Variants in SUGCT observed in about 807,000 individuals in gnomAD.
SUGCT encodes the protein succinyl-CoA:glutarate-CoA transferase.
A neutral mutation model predicts 55.0 loss-of-function variants in SUGCT; 41 were observed. The ratio of observed to expected loss-of-function variants is 0.74; its 90% CI spans 0.58 to 0.97. The LOEUF (loss-of-function observed/expected upper bound fraction) is 0.97, where lower values mean the gene tolerates loss of function less well. Ranked by LOEUF, SUGCT falls within the 50% of genes least tolerant of loss-of-function variation. SUGCT has a pLI of 0.00. For missense variants in SUGCT, 568 were observed against 547.8 expected (o/e 1.04, Z -0.37); for synonymous variants, 187 against 200.4 (o/e 0.93, Z 0.56).
chr7:40,931,071 C>T, the SUGCT span, among the ~76,000 whole-genome samples: 1 of 152,070 alleles, frequency 6.6e-6, no homozygotes, highest in Non-Finnish European at 1.5e-5. Flanking sequence ...TCATAAATAG[C>T]TCTTATTGTT....
chr7:40,341,941 A>G (rs73135089), intron 9 of SUGCT, among the ~76,000 whole-genome samples: 20,231 of 152,256 alleles, frequency 0.13, 1,765 homozygotes, highest in Middle Eastern at 0.21. Flanking sequence ...CTGGTTTCAG[A>G]TCCTGACTCA....
chr7:40,674,053 C>T (rs1248807229), intron 12 of SUGCT, among the ~76,000 whole-genome samples: 2 of 152,090 alleles, frequency 1.3e-5, no homozygotes, highest in Non-Finnish European at 2.9e-5. Flanking sequence ...GAGGATTGAT[C>T]CGATTAAAGA....
chr7:40,559,674 A>G (rs1189712996), intron 12 of SUGCT, among the ~76,000 whole-genome samples: 1 of 152,212 alleles, frequency 6.6e-6, no homozygotes, highest in Non-Finnish European at 1.5e-5. Flanking sequence ...ATACTTATAC[A>G]TTACTATCTT....
Position 40,668,793 on chromosome 7 carries a change from G to C in SUGCT, c.1090-80641G>C, listed in dbSNP as rs554501973. ...GACAAGGAAAGGGGCAGCCTCACAA[G>C]ACAAAAATATTTTAGACAATAACTG... On this transcript the variant is annotated intron_variant, in intron 12 of 13. Transcript: ENST00000335693. 2.0e-5 allele frequency among the ~76,000 whole-genome samples: 3 copies of C among 152,210 alleles called. No homozygotes were observed. The East Asian group carries it at 5.8e-4, about 30-fold the overall frequency.
chr7:40,526,408 C>T (rs137946803), intron 12 of SUGCT, among the ~76,000 whole-genome samples: 1 of 152,132 alleles, frequency 6.6e-6, no homozygotes, highest in Non-Finnish European at 1.5e-5. Context: ...TGTTACTGAT[C>T]GTGCTGTGAC....
At chr7:40,320,553 C>T (rs1795672095) in intron 9 of SUGCT, among the ~76,000 whole-genome samples, 1 of 152,188 alleles carries the variant, frequency 6.6e-6, no homozygotes, top group African/African-American at 2.4e-5. Flanking sequence ...AGTGGGGCCA[C>T]TGCCCTTTAC....
At chr7:40,521,552 G>A (rs1344672380) in intron 12 of SUGCT, among the ~76,000 whole-genome samples, 1 of 152,140 alleles carries the variant, frequency 6.6e-6, no homozygotes, top group Non-Finnish European at 1.5e-5. Context: ...ACAGGGAATA[G>A]TGAAAGAAGG....
chr7:40,952,297 C>A, the SUGCT span, among the ~76,000 whole-genome samples: 1 of 151,684 alleles, frequency 6.6e-6, no homozygotes, highest in East Asian at 1.9e-4. Flanking sequence ...TTTATTTTCC[C>A]TTTGCTTGGT....
intron 9 of SUGCT, among the ~76,000 whole-genome samples, chr7:40,365,464 A>T (rs1783897163): frequency 6.6e-6 from 1 of 152,224 alleles, no homozygotes; most frequent in South Asian, 2.1e-4. Flanking sequence ...GAAAAGAGGA[A>T]GTCAAATTGT....
At chr7:40,850,413 C>T (rs1230547720) in intron 13 of SUGCT, among the ~76,000 whole-genome samples, 1 of 152,160 alleles carries the variant, frequency 6.6e-6, no homozygotes, top group Non-Finnish European at 1.5e-5. Context: ...ATAATAGTGT[C>T]TGTAGTAAGT....
At chr7:40,564,657 A>G (rs1457142901) in intron 12 of SUGCT, among the ~76,000 whole-genome samples, 3 of 152,198 alleles carry the variant, frequency 2.0e-5, no homozygotes, top group African/African-American at 7.2e-5. Flanking sequence ...AGAAAATTGT[A>G]TAACCTAGAA....
In SUGCT at chr7:40,346,033, A is replaced by G. The variant is rs1255362148; in HGVS notation, c.816+29178A>G. 4.6e-5 allele frequency among the ~76,000 whole-genome samples: 7 copies of G among 151,598 alleles called. 1 individual carries two copies. The highest frequency in any genetic ancestry group is 4.6e-4 in the Admixed American group (7 of 15,206). On this transcript the variant is annotated intron_variant, in intron 9 of 13. Transcript: ENST00000335693. ...AGAGTTTGGTGCACCAAAGACTTAA[A>G]CTCTGGTTTTCATGTTAGTTTAGTT...
intron 12 of SUGCT, among the ~76,000 whole-genome samples, chr7:40,575,124 G>GGC (rs1796664521): frequency 7.0e-6 from 1 of 143,632 alleles, no homozygotes; most frequent in African/African-American, 2.9e-5. Context: ...GGTGGCGGGG[G>GGC]TGGGGGTGGA....
intron 13 of SUGCT, among the ~76,000 whole-genome samples, chr7:40,809,874 T>C (rs891245770): frequency 3.9e-5 from 6 of 152,266 alleles, no homozygotes; most frequent in Admixed American, 6.5e-5. Flanking sequence ...TGAGAACATA[T>C]GGTATTTGGT....
the SUGCT span, among the ~76,000 whole-genome samples, chr7:41,032,730 CA>C: frequency 1.1e-4 from 16 of 152,120 alleles, no homozygotes. Context: ...GAGTGCTTTT[CA>C]GTGGGGTAAA....
the SUGCT span, chr7:40,965,113 G>A: frequency 6.6e-6 from 1 of 152,220 alleles, no homozygotes. Flanking sequence ...TAGGACTCCT[G>A]TTAAGTTCAG....
At chr7:40,588,696 G>A (rs949678840) in intron 12 of SUGCT, among the ~76,000 whole-genome samples, 1 of 152,062 alleles carries the variant, frequency 6.6e-6, no homozygotes. Flanking sequence ...TAATAATACT[G>A]CAATAATCCT....
At chr7:40,382,506 C>T (rs1784921506) in intron 9 of SUGCT, among the ~76,000 whole-genome samples, 2 of 152,096 alleles carry the variant, frequency 1.3e-5, no homozygotes, top group Non-Finnish European at 2.9e-5. Flanking sequence ...TCTGCAAGGG[C>T]ACAGAAAGGA....
At chr7:40,316,953 C>G in intron 9 of SUGCT, 98 bp downstream of exon 9, 2 of 183,580 alleles carry the variant, frequency 1.1e-5, no homozygotes, top group South Asian at 1.6e-4. Flanking sequence ...AATCCTTCAG[C>G]TGTTTTTTTT....
Sources: allele counts gnomAD v4.1 joint callset (sites outside exome capture counted in the v4.1 genomes callset), GRCh38; gene constraint gnomAD v4.1.1; transcripts MANE v1.5; gene names NCBI Gene and HGNC (gene_info 2026-07-23, HGNC 2026-07-21).